The following LEF1 variants were observed in gnomAD, a reference collection of about 807,000 sequenced individuals.
LEF1 encodes the protein lymphoid enhancer binding factor 1.
LEF1 carries 14 observed loss-of-function variants against 51.2 expected under a neutral mutation model. The observed-to-expected ratio is 0.27, with a 90% CI of 0.18 to 0.43. LEF1 has a LOEUF of 0.43. Among genes scored for constraint, LEF1 ranks in the 20% least tolerant of loss-of-function variants. The pLI is 1.00. For missense variants in LEF1, 386 were observed against 512.0 expected, an observed-to-expected ratio of 0.75 and a Z score of 2.37; for synonymous variants, 185 against 183.2, an observed-to-expected ratio of 1.01 and a Z score of -0.08.
chr4:108,163,588 A>G lies in LEF1; in HGVS notation c.394T>C (p.Ser132Pro), dbSNP rs554465464. 11 of 1,613,680 alleles carry G rather than the reference A, an allele frequency of 6.8e-6. No homozygotes were observed. The South Asian group carries it at 1.1e-4, about 16-fold the overall frequency. Residue 132 changes from serine (S) to proline (P), a missense_variant, in exon 3 of 12, where the codon TCT becomes CCT. Transcript: ENST00000265165. Reference protein sequence around the residue: ...NDPYMSNGSLSPPIPRTSNKV... With the variant: ...NDPYMSNGSLPPPIPRTSNKV... The stretch of plus-strand genomic sequence containing the variant: ...CTTACTGTTCTCGGGATGGGTGGAG[A>G]AAGAGATCCATTTGACATGTATGGG...
intron 3 of LEF1, among the ~76,000 whole-genome samples, chr4:108,105,711 T>C (rs1227907677): frequency 6.6e-6 from 1 of 152,176 alleles, no homozygotes; most frequent in Non-Finnish European, 1.5e-5. Flanking sequence ...ATTCTTATGA[T>C]AGAGCAATGG....
In LEF1 at chr4:108,167,741, G is replaced by T; in HGVS notation, c.27C>A (p.Gly9=). 6.2e-7 allele frequency: 1 copy of T among 1,613,252 alleles called. No individual in the cohort carries two copies. Among genetic ancestry groups the T allele is most frequent in the Non-Finnish European group, 8.5e-7 (1 of 1,179,990 alleles). The change falls in exon 1 of 12, where the codon GGC becomes GGA. Residue 9 remains glycine (G), a synonymous_variant. Coordinates refer to ENST00000265165, the MANE Select transcript of LEF1 (RefSeq NM_016269.5). The surrounding 1 kb of genome is among the most constrained non-coding windows in gnomAD (Gnocchi z 5.7). ...AGAGTTCCGGGTCCCCCCCGCCGCC[G>T]CCACCTCCTCCGGAGAGTTGGGGCA... MPQLSGGG[G]GGGGDPELCA...
intron 3 of LEF1, among the ~76,000 whole-genome samples, chr4:108,118,091 A>T (rs537874849): frequency 6.6e-6 from 1 of 152,312 alleles, no homozygotes; most frequent in South Asian, 2.1e-4. Flanking sequence ...AGACTAAATG[A>T]GTTGCATAAG....
At chr4:108,053,265 A>G (rs1446087944) in intron 11 of LEF1, among the ~76,000 whole-genome samples, 1 of 152,234 alleles carries the variant, frequency 6.6e-6, no homozygotes, top group Non-Finnish European at 1.5e-5. Context: ...TATAACCTAC[A>G]AAAGCCAGCT....
intron 3 of LEF1, among the ~76,000 whole-genome samples, chr4:108,113,553 G>C (rs996388766): frequency 2.6e-5 from 4 of 152,284 alleles, no homozygotes; most frequent in Non-Finnish European, 5.9e-5. Context: ...TGTTTTTGCC[G>C]CAGATCACAG....
At chr4:108,123,864 G>A (rs1030747752) in intron 3 of LEF1, among the ~76,000 whole-genome samples, 21 of 152,128 alleles carry the variant, frequency 1.4e-4, no homozygotes, top group African/African-American at 5.1e-4. Flanking sequence ...TTCTGGGCCA[G>A]GTGCAGTGGC....
chr4:108,131,897 A>G (rs889885064), intron 3 of LEF1, among the ~76,000 whole-genome samples: 1 of 152,224 alleles, frequency 6.6e-6, no homozygotes, highest in African/African-American at 2.4e-5. Flanking sequence ...AAAACCACAT[A>G]TGAAATCAGG....
chr4:108,093,698 A>T (rs1436171064), intron 3 of LEF1, among the ~76,000 whole-genome samples: 1 of 152,106 alleles, frequency 6.6e-6, no homozygotes, highest in Non-Finnish European at 1.5e-5. Flanking sequence ...ACATTCTTTA[A>T]TCTCAGGCAG....
intron 3 of LEF1, among the ~76,000 whole-genome samples, chr4:108,121,842 G>A (rs953567785): frequency 5.3e-5 from 8 of 152,138 alleles, no homozygotes; most frequent in African/African-American, 1.9e-4. Context: ...CTAAGTACCT[G>A]TTGGCTGCAC....
chr4:108,058,595 G>A (rs562412109), intron 11 of LEF1, among the ~76,000 whole-genome samples: 2 of 152,090 alleles, frequency 1.3e-5, no homozygotes, highest in African/African-American at 4.8e-5. Context: ...CTGACAGCTC[G>A]AGTGCTATCT....
At chr4:108,099,240 A>C (rs913300584) in intron 3 of LEF1, among the ~76,000 whole-genome samples, 35 of 152,118 alleles carry the variant, frequency 2.3e-4, no homozygotes, top group African/African-American at 7.7e-4. Flanking sequence ...TATGACTTGC[A>C]TTTGTGATCT....
intron 3 of LEF1, among the ~76,000 whole-genome samples, chr4:108,154,195 A>G (rs550739077): frequency 1.6e-4 from 25 of 152,234 alleles, no homozygotes; most frequent in Admixed American, 1.6e-3. Flanking sequence ...ATTTTAATCA[A>G]TATTATGATG....
chr4:108,105,755 A>G (rs952602317), intron 3 of LEF1, among the ~76,000 whole-genome samples: 4 of 152,176 alleles, frequency 2.6e-5, no homozygotes, highest in African/African-American at 7.2e-5. Flanking sequence ...TAAGGTCTCT[A>G]TCAAAGCTTT....
At chr4:108,063,953 C>T (rs1343573800) in intron 10 of LEF1, among the ~76,000 whole-genome samples, 1 of 152,106 alleles carries the variant, frequency 6.6e-6, no homozygotes, top group Non-Finnish European at 1.5e-5. Context: ...CTCAAGGGAA[C>T]ACCAGGTAAC....
intron 3 of LEF1, among the ~76,000 whole-genome samples, chr4:108,136,072 A>C (rs1242939428): frequency 6.6e-6 from 1 of 152,244 alleles, no homozygotes; most frequent in Non-Finnish European, 1.5e-5. Context: ...GAAATCTTTC[A>C]AGGGTTAAAA....
At chr4:108,147,236 C>T (rs983486152) in intron 3 of LEF1, among the ~76,000 whole-genome samples, 1 of 151,362 alleles carries the variant, frequency 6.6e-6, no homozygotes. Context: ...TCCTCTACCA[C>T]GAGATTAGCA....
chr4:108,120,706 G>A (rs918132164), intron 3 of LEF1, among the ~76,000 whole-genome samples: 2 of 152,154 alleles, frequency 1.3e-5, no homozygotes, highest in Admixed American at 1.3e-4. Flanking sequence ...GGGTTACTGA[G>A]TCATGTAGAT....
intron 3 of LEF1, among the ~76,000 whole-genome samples, chr4:108,129,954 A>T (rs1742767500): frequency 1.3e-5 from 2 of 152,188 alleles, no homozygotes; most frequent in Admixed American, 6.5e-5. Context: ...TTAGGAAAGA[A>T]ACATGGTCCT....
chr4:108,085,985 T>A (rs575284838), intron 4 of LEF1, among the ~76,000 whole-genome samples: 1 of 152,222 alleles, frequency 6.6e-6, no homozygotes, highest in Non-Finnish European at 1.5e-5. Flanking sequence ...TTCTGACCAA[T>A]TGAACAAACA....
Sources: gnomAD v4.1 joint callset for allele counts (sites outside exome capture counted in the v4.1 genomes callset) on GRCh38, gnomAD v4.1.1 for gene constraint, Gnocchi (gnomAD v3.1) non-coding constraint, MANE v1.5 for transcripts, NCBI Gene and HGNC (gene_info 2026-07-23, HGNC 2026-07-21) for gene names.